Variants in SLC25A21 observed in about 807,000 individuals in gnomAD.
The protein encoded by SLC25A21 is mitochondrial 2-oxodicarboxylate carrier.
A neutral mutation model predicts 43.8 loss-of-function variants in SLC25A21; 47 were observed. The ratio of observed to expected loss-of-function variants is 1.07; its 90% CI spans 0.85 to 1.37. The LOEUF is 1.37. SLC25A21 is among the 40% of genes most tolerant of loss of function. SLC25A21 has a pLI of 0.00. For missense variants in SLC25A21, 352 were observed against 350.2 expected (o/e 1.00, Z -0.04); for synonymous variants, 131 against 121.3 (o/e 1.08, Z -0.52).
At chr14:36,767,359 T>A (rs757583255) in intron 3 of SLC25A21, among the ~76,000 whole-genome samples, 7 of 152,254 alleles carry the variant, frequency 4.6e-5, no homozygotes, top group Non-Finnish European at 1.0e-4. Flanking sequence ...CCCGACTCTT[T>A]ATTCAGATTT....
intron 3 of SLC25A21, among the ~76,000 whole-genome samples, chr14:36,813,670 A>G (rs576017784): frequency 1.3e-5 from 2 of 152,354 alleles, no homozygotes; most frequent in East Asian, 3.9e-4. Context: ...GAAACTTTAA[A>G]CAGCCCTAGT....
At chr14:36,877,378 T>G (rs964510384) in intron 1 of SLC25A21, among the ~76,000 whole-genome samples, 12 of 152,220 alleles carry the variant, frequency 7.9e-5, no homozygotes, top group African/African-American at 2.2e-4. Context: ...TAATGCACAT[T>G]TCTGGTAGTA....
At chr14:36,758,855 G>A (rs762794439) in intron 3 of SLC25A21, among the ~76,000 whole-genome samples, 66 of 152,272 alleles carry the variant, frequency 4.3e-4, no homozygotes, top group African/African-American at 1.3e-3. Context: ...GAGCAGAGGC[G>A]TCCAGGAGAA....
intron 1 of SLC25A21, among the ~76,000 whole-genome samples, chr14:37,024,870 T>C (rs898602891): frequency 1.3e-4 from 20 of 152,118 alleles, no homozygotes; most frequent in Non-Finnish European, 2.2e-4. Flanking sequence ...AAAAGGTTTT[T>C]ATTGTTTCAT....
chr14:37,098,738 TAGATAGATAGAC>T (rs1346123897), intron 1 of SLC25A21, among the ~76,000 whole-genome samples: 330 of 8,146 alleles, frequency 0.041, 3 homozygotes, highest in South Asian at 0.083. Context: ...GATAGATAGA[TAGATAGATAGAC>T]AGACAGACAG....
At chr14:36,950,394 T>A (rs530515030) in intron 1 of SLC25A21, among the ~76,000 whole-genome samples, 4 of 152,198 alleles carry the variant, frequency 2.6e-5, no homozygotes, top group African/African-American at 9.6e-5. Context: ...AGGACTAATA[T>A]CTTTATAAGA....
chr14:36,754,658 C>G (rs1311450277), intron 3 of SLC25A21, among the ~76,000 whole-genome samples: 2 of 151,924 alleles, frequency 1.3e-5, no homozygotes, highest in African/African-American at 4.8e-5. Flanking sequence ...ACAGCATACA[C>G]ACTGTGGGCA....
intron 1 of SLC25A21, among the ~76,000 whole-genome samples, chr14:36,912,119 C>G (rs1296361086): frequency 6.6e-6 from 1 of 152,124 alleles, no homozygotes; most frequent in African/African-American, 2.4e-5. Flanking sequence ...TAAAAACTAA[C>G]AGACTGCCTA....
intron 1 of SLC25A21, among the ~76,000 whole-genome samples, chr14:36,881,145 G>A (rs923282455): frequency 1.3e-5 from 2 of 152,116 alleles, no homozygotes; most frequent in Admixed American, 6.6e-5. Context: ...GACTGCTTAC[G>A]TTTATCCCAA....
chr14:36,729,248 T>C (rs1203096192), intron 5 of SLC25A21, among the ~76,000 whole-genome samples: 1 of 152,226 alleles, frequency 6.6e-6, no homozygotes, highest in African/African-American at 2.4e-5. Flanking sequence ...ATAAATGTAC[T>C]CTTTATTTCA....
chr14:36,874,918 A>G (rs767790787), intron 2 of SLC25A21, 38 bp downstream of exon 2: 10 of 1,580,796 alleles, frequency 6.3e-6, no homozygotes, highest in Admixed American at 1.7e-5. Context: ...TTTGGATATT[A>G]GCCAAAGTCA....
At chr14:37,025,988 T>C (rs569350780) in intron 1 of SLC25A21, among the ~76,000 whole-genome samples, 16 of 152,198 alleles carry the variant, frequency 1.1e-4, no homozygotes, top group African/African-American at 3.9e-4. Context: ...CACTTTACGA[T>C]GGGAGTCGGG....
intron 1 of SLC25A21, among the ~76,000 whole-genome samples, chr14:36,921,359 C>T (rs1211897636): frequency 1.3e-5 from 2 of 152,084 alleles, no homozygotes; most frequent in Non-Finnish European, 1.5e-5. Flanking sequence ...ACATAAAAGG[C>T]ACATCCTGGG....
intron 3 of SLC25A21, among the ~76,000 whole-genome samples, chr14:36,801,808 C>G (rs1887878096): frequency 6.6e-6 from 1 of 152,050 alleles, no homozygotes; most frequent in Non-Finnish European, 1.5e-5. Flanking sequence ...CAGTTTTTGT[C>G]CCTCTGCTTA....
chr14:37,030,345 A>G (rs1961184564), intron 1 of SLC25A21, among the ~76,000 whole-genome samples: 1 of 152,202 alleles, frequency 6.6e-6, no homozygotes, highest in African/African-American at 2.4e-5. Flanking sequence ...GACCTGATCA[A>G]TTGAAACCCG....
At chr14:37,037,964 G>A (rs996403181) in intron 1 of SLC25A21, among the ~76,000 whole-genome samples, 1 of 152,122 alleles carries the variant, frequency 6.6e-6, no homozygotes, top group South Asian at 2.1e-4. Flanking sequence ...CTCTGCTTCT[G>A]TTCTTTTGTT....
intron 3 of SLC25A21, among the ~76,000 whole-genome samples, chr14:36,758,631 A>G (rs1405133211): frequency 1.3e-5 from 2 of 151,998 alleles, no homozygotes; most frequent in Non-Finnish European, 2.9e-5. Flanking sequence ...TTGTACCATA[A>G]AATTCATCAA....
intron 1 of SLC25A21, among the ~76,000 whole-genome samples, chr14:36,990,012 T>C (rs2022585): frequency 0.3 from 44,864 of 152,028 alleles, 7,698 homozygotes; most frequent in African/African-American, 0.47. Flanking sequence ...TGTCATAAAG[T>C]AGAACTCTAA....
intron 3 of SLC25A21, among the ~76,000 whole-genome samples, chr14:36,799,488 A>T (rs954726832): frequency 6.6e-6 from 1 of 152,156 alleles, no homozygotes; most frequent in Admixed American, 6.6e-5. Context: ...TCCTGAAGAA[A>T]CATTTGAAAA....
Sources: gnomAD v4.1 joint callset for allele counts (sites outside exome capture counted in the v4.1 genomes callset) on GRCh38, gnomAD v4.1.1 for gene constraint, MANE v1.5 for transcripts, NCBI Gene and HGNC (gene_info 2026-07-23, HGNC 2026-07-21) for gene names.